Variants in RERE observed in about 807,000 individuals in gnomAD.
The protein encoded by RERE is arginine-glutamic acid dipeptide repeats.
In RERE, 40 loss-of-function variants were observed where a neutral mutation model predicts 146.1. That is an observed-to-expected ratio of 0.27 (90% CI 0.21 to 0.36). The LOEUF is 0.36. Among genes scored for constraint, RERE ranks in the 10% least tolerant of loss-of-function variants. The pLI is 1.00. For synonymous variants in RERE, 1,003 were observed against 866.0 expected, an observed-to-expected ratio of 1.16 and a Z score of -2.78; for missense variants, 1,933 against 2,138.7, an observed-to-expected ratio of 0.90 and a Z score of 1.90.
intron 1 of RERE, among the ~76,000 whole-genome samples, chr1:8,731,835 C>A (rs12093157): frequency 5.9e-5 from 9 of 151,932 alleles, no homozygotes; most frequent in East Asian, 1.9e-4. Flanking sequence ...AAGAGTCTTG[C>A]GCTGTCACCC....
chr1:8,627,076 A>C (rs1326914215), intron 2 of RERE, among the ~76,000 whole-genome samples: 2 of 152,080 alleles, frequency 1.3e-5, no homozygotes, highest in Admixed American at 6.6e-5. Context: ...CTCTCCTTCT[A>C]CTAGCCCCTG....
chr1:8,361,567 C>A (rs1007678081), intron 17 of RERE, 77 bp from the exon 18 acceptor site: 23 of 1,539,478 alleles, frequency 1.5e-5, no homozygotes, highest in Non-Finnish European at 2.0e-5. Context: ...GTGCCGGACA[C>A]ACAGTAATGT....
intron 1 of RERE, among the ~76,000 whole-genome samples, chr1:8,807,647 A>G (rs976365795): frequency 1.3e-5 from 2 of 152,182 alleles, no homozygotes; most frequent in African/African-American, 4.8e-5. Context: ...AACTATGAAG[A>G]TCAATGAAGA....
At chr1:8,652,806 T>C (rs980884382) in intron 2 of RERE, among the ~76,000 whole-genome samples, 2 of 152,158 alleles carry the variant, frequency 1.3e-5, no homozygotes, top group African/African-American at 2.4e-5. Context: ...AAGGTGACAT[T>C]TGGGTGAGGA....
At chr1:8,492,993 G>A (rs991895422) in intron 10 of RERE, among the ~76,000 whole-genome samples, 13 of 152,220 alleles carry the variant, frequency 8.5e-5, no homozygotes, top group Non-Finnish European at 1.6e-4. Flanking sequence ...AGGATCACTT[G>A]AGCCTGGGAG....
At chr1:8,688,100 T>A (rs963295194) in intron 1 of RERE, among the ~76,000 whole-genome samples, 12 of 152,180 alleles carry the variant, frequency 7.9e-5, no homozygotes, top group Admixed American at 5.2e-4. Context: ...GTGATACGCA[T>A]TCAGTGGAAA....
At chr1:8,677,180 A>G (rs1638858465) in intron 1 of RERE, among the ~76,000 whole-genome samples, 1 of 152,200 alleles carries the variant, frequency 6.6e-6, no homozygotes, top group African/African-American at 2.4e-5. Context: ...CTGTAATCCC[A>G]GCACTATGGG....
chr1:8,655,485 C>G (rs1392207801), intron 2 of RERE, among the ~76,000 whole-genome samples: 3 of 152,180 alleles, frequency 2.0e-5, no homozygotes, highest in Admixed American at 1.3e-4. Flanking sequence ...GAATTGCAGG[C>G]GTGAGCCACC....
At chr1:8,537,781 A>C (rs1374163678) in intron 7 of RERE, among the ~76,000 whole-genome samples, 1 of 152,246 alleles carries the variant, frequency 6.6e-6, no homozygotes, top group African/African-American at 2.4e-5. Context: ...TTATTAGTTC[A>C]ATAAGTGGTA....
chr1:8,481,716 C>A (rs1018677304), intron 10 of RERE, among the ~76,000 whole-genome samples: 1 of 152,106 alleles, frequency 6.6e-6, no homozygotes, highest in African/African-American at 2.4e-5. Context: ...AACTTAAGGT[C>A]CTATGACTGG....
At chr1:8,638,963 C>G (rs904679077) in intron 2 of RERE, among the ~76,000 whole-genome samples, 1 of 151,874 alleles carries the variant, frequency 6.6e-6, no homozygotes, top group Non-Finnish European at 1.5e-5. Context: ...TTAGTAGAGA[C>G]AGGGTTTCAC....
At chr1:8,663,733 A>G (rs896867125) in intron 1 of RERE, among the ~76,000 whole-genome samples, 2 of 152,026 alleles carry the variant, frequency 1.3e-5, no homozygotes, top group African/African-American at 2.4e-5. Context: ...AATGCCCACT[A>G]TTCCTTTTCA....
At chr1:8,501,966 G>A (rs1570352227) in intron 8 of RERE, among the ~76,000 whole-genome samples, 1 of 98,302 alleles carries the variant, frequency 1.0e-5, no homozygotes, top group South Asian at 3.8e-4. Flanking sequence ...CCGGCCAGCC[G>A]CCCCGTCCGG....
intron 13 of RERE, among the ~76,000 whole-genome samples, chr1:8,365,310 C>G (rs1010727805): frequency 2.2e-4 from 34 of 152,328 alleles, no homozygotes; most frequent in African/African-American, 7.5e-4. Context: ...TTTTGCTACA[C>G]CCCAGTTTTT....
At chr1:8,508,994 A>C (rs1645294182) in intron 7 of RERE, among the ~76,000 whole-genome samples, 1 of 152,144 alleles carries the variant, frequency 6.6e-6, no homozygotes, top group South Asian at 2.1e-4. Flanking sequence ...GGCTCACTGC[A>C]ACCTCCGCCT....
At chr1:8,686,227 C>T (rs1639083531) in intron 1 of RERE, among the ~76,000 whole-genome samples, 1 of 152,112 alleles carries the variant, frequency 6.6e-6, no homozygotes, top group African/African-American at 2.4e-5. Flanking sequence ...AAGCAATCCG[C>T]TCGTCTTGGC....
Position 8,361,278 on chromosome 1 carries a change from A to C in RERE, c.2229T>G (p.Ala743=), listed in dbSNP as rs765125699. 2 of 1,595,684 alleles carry C rather than the reference A, an allele frequency of 1.3e-6. No homozygotes were observed. The highest frequency in any genetic ancestry group is 8.5e-7 in the Non-Finnish European group (1 of 1,171,604). ...AGGGAGCTGGGGTGACCCCAGTGGG[A>C]GCCTGCAAGGCTGGGGGCTGGGCCT... The part of the protein sequence containing the change: ...MLQAQPPALQ[A]PTGVTPAPSS... Residue 743 remains alanine, a synonymous_variant, in exon 18 of 23, where the codon GCT becomes GCG. Transcript: ENST00000400908.
At chr1:8,409,826 GGTCCCTC>G (rs1643562484) in intron 12 of RERE, among the ~76,000 whole-genome samples, 2 of 152,074 alleles carry the variant, frequency 1.3e-5, no homozygotes, top group East Asian at 3.9e-4. Context: ...CAAAGCTAAT[GGTCCCTC>G]TCCCAGGAGC....
chr1:8,674,729 T>TTCATACTCCATTTTACATAC (rs1638796241), intron 1 of RERE, among the ~76,000 whole-genome samples: 1 of 152,230 alleles, frequency 6.6e-6, no homozygotes, highest in Admixed American at 6.5e-5. Context: ...AAATACGCAT[T>TTCATACTCCATTTTACATAC]TCATACTCCA....
Sources: allele counts gnomAD v4.1 joint callset (sites outside exome capture counted in the v4.1 genomes callset), GRCh38; gene constraint gnomAD v4.1.1; transcripts MANE v1.5; gene names NCBI Gene and HGNC (gene_info 2026-07-23, HGNC 2026-07-21).